Variants in GRID2 observed in about 807,000 individuals in gnomAD.
The protein encoded by GRID2 is glutamate ionotropic receptor delta type subunit 2.
A neutral mutation model predicts 114.8 loss-of-function variants in GRID2; 33 were observed. The observed-to-expected ratio is 0.29, with a 90% CI of 0.22 to 0.38. GRID2 has a LOEUF of 0.38. Among genes scored for constraint, GRID2 ranks in the 10% least tolerant of loss-of-function variants. The pLI, the probability that GRID2 is intolerant of heterozygous loss-of-function variation, is 1.00. For synonymous variants in GRID2, 505 were observed against 449.9 expected, an observed-to-expected ratio of 1.12 and a Z score of -1.55; for missense variants, 1,184 against 1,257.7, an observed-to-expected ratio of 0.94 and a Z score of 0.89.
chr4:92,757,079 T>C (rs1158432767), intron 2 of GRID2, among the ~76,000 whole-genome samples: 5 of 152,146 alleles, frequency 3.3e-5, no homozygotes, highest in Non-Finnish European at 7.4e-5. Flanking sequence ...GTTTTATAGT[T>C]TCAGGTCTTA....
At chr4:92,514,984 A>T (rs1019537200) in intron 1 of GRID2, among the ~76,000 whole-genome samples, 1 of 151,828 alleles carries the variant, frequency 6.6e-6, no homozygotes, top group East Asian at 1.9e-4. Context: ...GCCCTATATC[A>T]GGTCTCCATC....
intron 4 of GRID2, among the ~76,000 whole-genome samples, chr4:93,194,873 A>C (rs1428442480): frequency 6.6e-6 from 1 of 152,164 alleles, no homozygotes; most frequent in Non-Finnish European, 1.5e-5. Context: ...TAGGCCCAGC[A>C]ATCTGTGTTT....
intron 11 of GRID2, among the ~76,000 whole-genome samples, chr4:93,484,457 CA>C (rs569940950): frequency 4.0e-5 from 6 of 150,002 alleles, no homozygotes; most frequent in African/African-American, 7.3e-5. Context: ...TGTTTGTGTT[CA>C]AAAAAAAACT....
chr4:92,622,120 G>A (rs1453952732), intron 2 of GRID2, among the ~76,000 whole-genome samples: 1 of 151,726 alleles, frequency 6.6e-6, no homozygotes, highest in Non-Finnish European at 1.5e-5. Context: ...ATTTGAAAAT[G>A]CTACTGGGGA....
Position 92,844,869 on chromosome 4 carries a change from T to A in GRID2, c.245-240126T>A, listed in dbSNP as rs1414303341. ...CTATTCTCAAGGGTTAATGCTTTTTTAAAAAGTATCTTTTTTACTGCTTTA... is the reference window on the plus strand; with the variant it reads ...CTATTCTCAAGGGTTAATGCTTTTTAAAAAAGTATCTTTTTTACTGCTTTA... On this transcript the variant is annotated intron_variant, in intron 2 of 15. Coordinates refer to ENST00000282020, the MANE Select transcript of GRID2 (RefSeq NM_001510.4). Among the ~76,000 whole-genome samples the A allele has an allele frequency of 2.0e-5, 3 of 152,130 alleles. No homozygotes were observed. In the South Asian group the frequency reaches 6.2e-4, roughly 32 times the overall value.
intron 2 of GRID2, among the ~76,000 whole-genome samples, chr4:92,627,251 G>C (rs1263317890): frequency 1.3e-5 from 2 of 152,054 alleles, no homozygotes; most frequent in Non-Finnish European, 2.9e-5. Flanking sequence ...TGGTAGCAGG[G>C]AGAATGAAGG....
At chr4:92,781,672 T>A (rs1739084129) in intron 2 of GRID2, among the ~76,000 whole-genome samples, 2 of 152,054 alleles carry the variant, frequency 1.3e-5, no homozygotes, top group African/African-American at 4.8e-5. Context: ...GGATTTTGTT[T>A]TTCAAACTTC....
chr4:93,545,329 C>T (rs770749269), intron 13 of GRID2, among the ~76,000 whole-genome samples: 2 of 152,188 alleles, frequency 1.3e-5, no homozygotes, highest in South Asian at 2.1e-4. Flanking sequence ...CTGTATATGA[C>T]GTTGTACTGC....
intron 8 of GRID2, among the ~76,000 whole-genome samples, chr4:93,319,955 C>T (rs1027796248): frequency 2.6e-5 from 4 of 152,042 alleles, no homozygotes; most frequent in Admixed American, 2.0e-4. Flanking sequence ...AGACTTTTGA[C>T]CTATAGAACT....
At chr4:93,128,183 G>A (rs1204808589) in intron 4 of GRID2, among the ~76,000 whole-genome samples, 7 of 151,892 alleles carry the variant, frequency 4.6e-5, no homozygotes, top group Non-Finnish European at 7.4e-5. Context: ...TTTGTAAGGC[G>A]AGCTTGTACT....
chr4:93,395,045 T>A (rs1765200794), intron 8 of GRID2, among the ~76,000 whole-genome samples: 1 of 152,028 alleles, frequency 6.6e-6, no homozygotes, highest in Non-Finnish European at 1.5e-5. Context: ...TGCCAAAATA[T>A]TCCAAGCAAA....
At chr4:93,312,038 C>G (rs1012603055) in intron 8 of GRID2, among the ~76,000 whole-genome samples, 1 of 152,064 alleles carries the variant, frequency 6.6e-6, no homozygotes, top group Admixed American at 6.6e-5. Flanking sequence ...TATGTATATT[C>G]TCTGCTTCCA....
intron 4 of GRID2, among the ~76,000 whole-genome samples, chr4:93,126,584 CTTTTTTTTTTTTT>C (rs60017147): frequency 1.1e-4 from 6 of 52,736 alleles, no homozygotes; most frequent in South Asian, 8.2e-4. Context: ...CTATTTAATT[CTTTTTTTTTTTTT>C]TTTTTTTTTT....
At chr4:93,052,360 G>A (rs1726800867) in intron 2 of GRID2, among the ~76,000 whole-genome samples, 2 of 151,824 alleles carry the variant, frequency 1.3e-5, no homozygotes, top group African/African-American at 4.8e-5. Context: ...GATGGGATAT[G>A]TTCTGAGACG....
At chr4:92,550,253 T>A (rs1246605944) in intron 1 of GRID2, among the ~76,000 whole-genome samples, 3 of 152,302 alleles carry the variant, frequency 2.0e-5, no homozygotes, top group African/African-American at 7.2e-5. Context: ...ACACATAGAT[T>A]ATATTTTTTG....
chr4:92,846,332 C>A (rs1578294516), intron 2 of GRID2, among the ~76,000 whole-genome samples: 1 of 152,036 alleles, frequency 6.6e-6, no homozygotes, highest in South Asian at 2.1e-4. Flanking sequence ...TCTCTCCTCC[C>A]TCTGGCAGTC....
At chr4:92,687,334 G>A (rs1733957054) in intron 2 of GRID2, among the ~76,000 whole-genome samples, 1 of 151,770 alleles carries the variant, frequency 6.6e-6, no homozygotes, top group African/African-American at 2.4e-5. Flanking sequence ...CAGATAACCT[G>A]TATATATATG....
At chr4:92,436,190 A>T (rs1732727455) in intron 1 of GRID2, among the ~76,000 whole-genome samples, 1 of 152,144 alleles carries the variant, frequency 6.6e-6, no homozygotes, top group Non-Finnish European at 1.5e-5. Flanking sequence ...TTCTTGGAGG[A>T]TAAATAATGG....
At chr4:92,885,434 G>A (rs927903087) in intron 2 of GRID2, among the ~76,000 whole-genome samples, 3 of 152,116 alleles carry the variant, frequency 2.0e-5, no homozygotes, top group African/African-American at 7.2e-5. Context: ...CAGATTTTTT[G>A]TGTCTGGATT....
Sources: gnomAD v4.1 joint callset for allele counts (sites outside exome capture counted in the v4.1 genomes callset) on GRCh38, gnomAD v4.1.1 for gene constraint, MANE v1.5 for transcripts, NCBI Gene and HGNC (gene_info 2026-07-23, HGNC 2026-07-21) for gene names.